The following UNC80 variants were observed in gnomAD, a reference collection of about 807,000 sequenced individuals.
The protein encoded by UNC80 is unc-80 subunit of NALCN channel complex.
UNC80 carries 164 observed loss-of-function variants against 384.6 expected under a neutral mutation model. The ratio of observed to expected loss-of-function variants is 0.43; its 90% CI spans 0.38 to 0.49. The LOEUF is 0.49. Among genes scored for constraint, UNC80 ranks in the 20% least tolerant of loss-of-function variants. The pLI, the probability that UNC80 is intolerant of heterozygous loss-of-function variation, is 0.00. For missense variants in UNC80, 3,330 were observed against 4,143.0 expected, an observed-to-expected ratio of 0.80 and a Z score of 5.39; for synonymous variants, 1,486 against 1,527.8, an observed-to-expected ratio of 0.97 and a Z score of 0.64.
At chr2:209,928,300 C>T (rs973098916) in intron 36 of UNC80, among the ~76,000 whole-genome samples, 9 of 152,134 alleles carry the variant, frequency 5.9e-5, no homozygotes, top group African/African-American at 2.2e-4. Context: ...CGCACCACTG[C>T]ACTTCAGCCT....
In UNC80 at chr2:209,941,500, C is replaced by A; in HGVS notation, c.6915+11C>A. The A allele has an allele frequency of 6.6e-7, 1 of 1,521,986 alleles. No homozygotes were observed. Among genetic ancestry groups the A allele is most frequent in the Non-Finnish European group, 8.9e-7 (1 of 1,124,986 alleles). 94.3% of individuals were successfully genotyped at this position (1,521,986 alleles called of 1,614,324 possible). ...CCCACCATGCTGCAGGTGCCCAGAA[C>A]CTCCTCTCCCAACCAGAAAATTAAC... On this transcript the variant is annotated intron_variant, in intron 44 of 64. Coordinates refer to ENST00000673920, the MANE Select transcript of UNC80 (RefSeq NM_001371986.1).
At chr2:209,953,711 C>CA (rs1417901278) in intron 47 of UNC80, among the ~76,000 whole-genome samples, 2 of 152,122 alleles carry the variant, frequency 1.3e-5, no homozygotes, top group Non-Finnish European at 2.9e-5. Flanking sequence ...TATGTTGTCT[C>CA]AAAATTGTTG....
chr2:209,967,791 G>A, intron 52 of UNC80, 154 bp downstream of exon 52: 1 of 629,618 alleles, frequency 1.6e-6, no homozygotes, highest in Admixed American at 3.2e-5. Context: ...GAATGCCTAA[G>A]TAGCAAAGCC....
intron 16 of UNC80, among the ~76,000 whole-genome samples, chr2:209,833,587 T>C (rs892807364): frequency 1.3e-5 from 2 of 152,150 alleles, no homozygotes; most frequent in Non-Finnish European, 2.9e-5. Context: ...TGCAGAAAAT[T>C]TGGAGAAGCT....
rs371436496 is a variant in UNC80, at chr2:209,815,374, A to G, written c.1318A>G (p.Met440Val). 7.1e-6 allele frequency: 11 copies of G among 1,551,202 alleles called. No homozygotes were observed. Among genetic ancestry groups the G allele is most frequent in the East Asian group, 2.4e-5 (1 of 40,902 alleles). ...CCCAGATCTTTCTTCAGACCTGGGC[A>G]TGAATATTTTTAAAAAGGTGAGTAG... ...AVPDLSSDLG[M>V]NIFKKFKSRK... Residue 440 changes from methionine (M) to valine (V), a missense_variant, in exon 9 of 65, where the codon ATG (methionine) becomes GTG (valine). Physicochemically the swap from Met to Val is conservative, Grantham distance 21. Transcript: ENST00000673920.
Position 209,936,840 on chromosome 2 carries a change from C to A in UNC80, c.6274-4C>A, listed in dbSNP as rs1167573246. 6.5e-7 allele frequency: 1 copy of A among 1,538,312 alleles called. No individual in the cohort carries two copies. Among genetic ancestry groups the A allele is most frequent in the South Asian group, 1.2e-5 (1 of 83,774 alleles). ...TTTATTAAAATTTGTTGCTATTGTT[C>A]TAGGAGTGTCTGGAGTTTTTTAATA... On this transcript the variant is annotated splice_region_variant and splice_polypyrimidine_tract_variant and intron_variant, in intron 40 of 64. Transcript: ENST00000673920.
rs2091740771 is a variant in UNC80, at chr2:209,943,288, C to T, written c.6916-92C>T. On this transcript the variant is annotated intron_variant, in intron 44 of 64. Transcript: ENST00000673920. ...CCAGTTTACAAAGTTAGCCATTTCC[C>T]TCCAAGCTTCCCATGACCATGAGTT... 6.9e-6 allele frequency: 10 copies of T among 1,456,178 alleles called. No individual in the cohort carries two copies. The South Asian group carries it at 1.0e-4, about 15-fold the overall frequency. 90.2% of individuals were successfully genotyped at this position (1,456,178 alleles called of 1,614,324 possible).
Position 209,839,455 on chromosome 2 carries a change from A to T in UNC80, c.3250+25A>T. 6.4e-7 allele frequency: 1 copy of T among 1,551,342 alleles called. No individual in the cohort carries two copies. ...GGTAAAAGTATGTCTGTATTTGTTT[A>T]TGGATTATCTTATTACCAACCATGT... is the stretch of plus-strand genomic sequence containing the variant. On this transcript the variant is annotated intron_variant, in intron 19 of 64. Coordinates refer to ENST00000673920, the MANE Select transcript of UNC80 (RefSeq NM_001371986.1). The surrounding 1 kb of genome is among the most constrained non-coding windows in gnomAD (Gnocchi z 4.1).
chr2:209,939,042 G>A (rs893691097), intron 42 of UNC80, among the ~76,000 whole-genome samples: 8 of 152,074 alleles, frequency 5.3e-5, no homozygotes, highest in Non-Finnish European at 1.0e-4. Flanking sequence ...TCTCACATCA[G>A]TCTTTGTTTT....
At chr2:209,844,629 AC>A (rs569227556) in intron 21 of UNC80, among the ~76,000 whole-genome samples, 61 of 148,832 alleles carry the variant, frequency 4.1e-4, no homozygotes, top group African/African-American at 1.5e-3. Flanking sequence ...TTCCCCTGTC[AC>A]CCATGCTGGA....
chr2:209,842,247 G>A, intron 20 of UNC80, 103 bp from the exon 21 acceptor site: 1 of 851,064 alleles, frequency 1.2e-6, no homozygotes, highest in African/African-American at 1.7e-5. Flanking sequence ...GTAATAGTAT[G>A]AAAATGAGTA....
At position 209,997,067 on chromosome 2, in the gene UNC80, A is replaced by G. The variant is rs2125037581; in HGVS notation, c.*1472A>G. The G allele has an allele frequency of 6.6e-6, 1 of 152,312 alleles. No individual in the cohort carries two copies. Among genetic ancestry groups the G allele is most frequent in the South Asian group, 2.1e-4 (1 of 4,830 alleles). 9.4% of individuals were successfully genotyped at this position (152,312 alleles called of 1,614,324 possible). On this transcript the variant is annotated 3_prime_UTR_variant, in exon 65 of 65. Coordinates refer to ENST00000673920, the MANE Select transcript of UNC80 (RefSeq NM_001371986.1). ...ACTAAACCCACCTTAATCATAAAGG[A>G]AAATTATTTTTTGTTAGAATTGCTT...
At position 209,921,587 on chromosome 2, in the gene UNC80, C is replaced by A; in HGVS notation, c.5431C>A (p.Arg1811=). The A allele has an allele frequency of 1.3e-6, 2 of 1,551,678 alleles. No individual in the cohort carries two copies. Among genetic ancestry groups the A allele is most frequent in the Non-Finnish European group, 1.7e-6 (2 of 1,146,984 alleles). ...KNLQQEEEKK[R]LGREASLITA... is the part of the protein sequence containing the mutation. Reference sequence around the variant, plus strand: ...CTTGCAGCAGGAGGAAGAAAAGAAACGACTTGGTAGAGAAGCCAGCCTCAT... The same window carrying A: ...CTTGCAGCAGGAGGAAGAAAAGAAAAGACTTGGTAGAGAAGCCAGCCTCAT... The change falls in exon 34 of 65, where the codon CGA becomes AGA. Residue 1811 remains arginine, a synonymous_variant. Coordinates refer to ENST00000673920, the MANE Select transcript of UNC80 (RefSeq NM_001371986.1).
chr2:209,839,186 G>T lies in UNC80; in HGVS notation c.3042-36G>T. On this transcript the variant is annotated intron_variant, in intron 18 of 64. Transcript: ENST00000673920. This position sits in a 1 kb window ranked among gnomAD's most constrained non-coding sequence, Gnocchi z 4.1. ...AATTTAGGAGAATTTCTCAAGTGTTGTCAGAAGTTTAACCCTATCCTCTGC... is the reference window on the plus strand; with the variant it reads ...AATTTAGGAGAATTTCTCAAGTGTTTTCAGAAGTTTAACCCTATCCTCTGC... 1 of 1,530,138 alleles carries T rather than the reference G, an allele frequency of 6.5e-7. No homozygotes were observed. The allele number at this position is 1,530,138 out of a possible 1,614,324, so 94.8% of individuals were successfully genotyped here. A position where few individuals can be genotyped will look rare whatever the true frequency, so the allele number is the denominator to read the frequency against.
At chr2:209,870,716 C>T (rs1208981387) in intron 22 of UNC80, among the ~76,000 whole-genome samples, 1 of 152,096 alleles carries the variant, frequency 6.6e-6, no homozygotes, top group Non-Finnish European at 1.5e-5. Flanking sequence ...GCATTTAAGA[C>T]ATATACAATG....
intron 22 of UNC80, among the ~76,000 whole-genome samples, chr2:209,859,078 C>A (rs2083162998): frequency 6.6e-6 from 1 of 151,596 alleles, no homozygotes; most frequent in South Asian, 2.1e-4. Flanking sequence ...AAATTTTTTT[C>A]TAAAAAAGAA....
At chr2:209,988,004 C>T (rs926862544) in intron 61 of UNC80, among the ~76,000 whole-genome samples, 3 of 152,094 alleles carry the variant, frequency 2.0e-5, no homozygotes, top group African/African-American at 7.2e-5. Context: ...CAGATTATTC[C>T]CCCTTTCAAT....
At chr2:209,937,995 C>T (rs2091363765) in intron 42 of UNC80, among the ~76,000 whole-genome samples, 1 of 152,022 alleles carries the variant, frequency 6.6e-6, no homozygotes. Context: ...GTGGTTTACA[C>T]TAGCTGGCTA....
In UNC80 at chr2:209,813,887, A is replaced by G. The variant is rs760127902; in HGVS notation, c.1200+46A>G. On this transcript the variant is annotated intron_variant, in intron 8 of 64. Coordinates refer to ENST00000673920, the MANE Select transcript of UNC80 (RefSeq NM_001371986.1). The stretch of plus-strand genomic sequence containing the variant: ...TGTCATTCAAACCAGCAACTTTGCC[A>G]TAATGGATTCTTTTTTTCTCTGTGC... 13 of 1,534,058 alleles carry G rather than the reference A, an allele frequency of 8.5e-6. No individual in the cohort carries two copies. The South Asian group carries it at 1.1e-4, about 13-fold the overall frequency.
Sources: gnomAD v4.1 joint callset for allele counts (sites outside exome capture counted in the v4.1 genomes callset) on GRCh38, gnomAD v4.1.1 for gene constraint, Gnocchi (gnomAD v3.1) non-coding constraint, MANE v1.5 for transcripts, NCBI Gene and HGNC (gene_info 2026-07-23, HGNC 2026-07-21) for gene names.